BEST1: variants seen among roughly 807,000 people sequenced by gnomAD.
BEST1 encodes the protein bestrophin 1.
Under a neutral mutation model 63.3 loss-of-function variants are expected in BEST1, and 58 were observed. The ratio of observed to expected loss-of-function variants is 0.92; its 90% CI spans 0.74 to 1.14. The LOEUF is 1.14. BEST1 is among the 50% of genes most tolerant of loss of function. BEST1 has a pLI of 0.00. For synonymous variants in BEST1, 283 were observed against 291.6 expected (o/e 0.97, Z 0.30); for missense variants, 671 against 740.1 (o/e 0.91, Z 1.08).
intron 10 of BEST1, chr11:61,963,867 T>A: frequency 2.9e-5 from 39 of 1,330,290 alleles, no homozygotes; most frequent in Non-Finnish European, 3.7e-5. Context: ...CAGCTGGGCG[T>A]CGTGGTGTGC....
chr11:61,956,257 C>T (rs1444229288), intron 4 of BEST1, among the ~76,000 whole-genome samples: 1 of 152,006 alleles, frequency 6.6e-6, no homozygotes, highest in Non-Finnish European at 1.5e-5. Context: ...GGTCTACTTC[C>T]CTCTGCCCTT....
chr11:61,957,063 G>A, intron 5 of BEST1, 65 bp downstream of exon 5: 20 of 1,609,586 alleles, frequency 1.2e-5, no homozygotes, highest in Non-Finnish European at 1.7e-5. Flanking sequence ...AGGAAACAAG[G>A]TTTCCTACAA....
chr11:61,952,562 G>C (rs1940820729), intron 2 of BEST1, among the ~76,000 whole-genome samples: 1 of 149,684 alleles, frequency 6.7e-6, no homozygotes, highest in Admixed American at 6.7e-5. Context: ...TGCCTCCCAG[G>C]TGCAAGCGAT....
At chr11:61,954,637 A>AT (rs1941075400) in intron 2 of BEST1, among the ~76,000 whole-genome samples, 1 of 151,944 alleles carries the variant, frequency 6.6e-6, no homozygotes, top group African/African-American at 2.4e-5. Flanking sequence ...CACCCAACTA[A>AT]TTTTTTGTAG....
intron 4 of BEST1, 50 bp downstream of exon 4, chr11:61,956,001 AGATGGGCGCGGCAGGAATGGAAGAT>A: frequency 6.6e-7 from 1 of 1,505,756 alleles, no homozygotes; most frequent in Non-Finnish European, 9.0e-7. Context: ...CCAGGGGCCG[AGATGGGCGCGGCAGGAATGGAAGAT>A]GGGTGGAGCC....
chr11:61,964,213 C>G lies in BEST1; in HGVS notation c.*91C>G, dbSNP rs556116201. 27 of 1,601,586 alleles carry G rather than the reference C, an allele frequency of 1.7e-5. No individual in the cohort carries two copies. The African/African-American group carries it at 3.1e-4, about 18-fold the overall frequency. On this transcript the variant is annotated 3_prime_UTR_variant, in exon 11 of 11. Transcript: ENST00000378043. Reference sequence around the variant, plus strand: ...GATCCAGTCACAGCCATACAGCTGTCCACACTGAAGAACATGTCCTACAAC... The same window carrying G: ...GATCCAGTCACAGCCATACAGCTGTGCACACTGAAGAACATGTCCTACAAC...
At chr11:61,955,686 C>A in intron 3 of BEST1, 32 bp from the exon 4 acceptor site, 1 of 1,530,048 alleles carries the variant, frequency 6.5e-7, no homozygotes, top group South Asian at 1.2e-5. Context: ...AGCCTGGCCC[C>A]TCGCCCCTCG....
At chr11:61,962,130 T>C in intron 9 of BEST1, 125 bp from the exon 10 acceptor site, 1 of 962,878 alleles carries the variant, frequency 1.0e-6, no homozygotes. Context: ...TGGGGCATGG[T>C]GAGGAAGACG....
intron 9 of BEST1, chr11:61,961,674 G>A (rs1282090010): frequency 1.2e-5 from 2 of 161,112 alleles, no homozygotes; most frequent in Admixed American, 1.2e-4. Flanking sequence ...TTGTCTGCCT[G>A]GGAGGCGGCT....
chr11:61,952,793 T>A (rs994778830), intron 2 of BEST1, among the ~76,000 whole-genome samples: 1 of 152,164 alleles, frequency 6.6e-6, no homozygotes, highest in Non-Finnish European at 1.5e-5. Flanking sequence ...GTACATTTTT[T>A]AAAATTATTT....
chr11:61,964,859 A>G (rs1591320517), downstream of BEST1: 1 of 1,603,812 alleles, frequency 6.2e-7, no homozygotes, highest in African/African-American at 1.3e-5. Context: ...TCACCTGCTC[A>G]TTCAGGTAAT....
At chr11:61,949,969 G>A (rs1940493516), upstream of BEST1, 1 of 152,430 alleles carries the variant, frequency 6.6e-6, no homozygotes, top group Admixed American at 6.5e-5. Context: ...AAGACCCCAG[G>A]GCCTAGTCAG....
At chr11:61,952,303 AAGAG>A (rs35510371) in intron 2 of BEST1, among the ~76,000 whole-genome samples, 248 of 146,886 alleles carry the variant, frequency 1.7e-3, no homozygotes, top group Middle Eastern at 3.5e-3. Flanking sequence ...TACATTAAAA[AAGAG>A]AGAGAGAGAG....
Position 61,959,956 on chromosome 11 carries a change from G to A in BEST1, c.1013G>A (p.Trp338Ter). ...DLPRMEPDMY[W>*]NKPEPQPPYT... ...CCTCGGATGGAGCCGGACATGTACT[G>A]GAATAAGCCCGAGCCACAGCCCCCC... Residue 338 changes from tryptophan (W) to a stop codon, truncating the protein, a stop_gained, in exon 9 of 11, where the codon TGG becomes TAG. Transcript: ENST00000378043. LOFTEE classifies it high-confidence loss of function. 2 of 1,612,840 alleles carry A rather than the reference G, an allele frequency of 1.2e-6. No individual in the cohort carries two copies. The highest frequency in any genetic ancestry group is 2.2e-5 in the South Asian group (2 of 90,728).
rs1941622279 is a variant in BEST1 at position 61,958,305 on chromosome 11, C to T, written c.867+7C>T. The T allele has an allele frequency of 1.2e-6, 2 of 1,614,134 alleles. No homozygotes were observed. On this transcript the variant is annotated splice_region_variant and intron_variant, in intron 7 of 10. Transcript: ENST00000378043. ...CTATGTTGGCTGGCTGAAGGTGGGC[C>T]TCTCCAGGGCCCTGCTGGGCTGGAG... is the stretch of plus-strand genomic sequence containing the variant.
intron 10 of BEST1, chr11:61,963,184 C>T: frequency 7.0e-7 from 1 of 1,437,684 alleles, no homozygotes; most frequent in Non-Finnish European, 9.1e-7. Flanking sequence ...GGAGAACTGC[C>T]CCAGGGCTGA....
chr11:61,953,886 AAAACAAAC>A (rs112657532), intron 2 of BEST1, among the ~76,000 whole-genome samples: 208 of 150,730 alleles, frequency 1.4e-3, no homozygotes, highest in East Asian at 0.011. Context: ...ACCCTATCTC[AAAACAAAC>A]AAACAAACAA....
downstream of BEST1, chr11:61,964,469 G>T (rs1041957978): frequency 9.8e-6 from 6 of 613,256 alleles, no homozygotes; most frequent in Admixed American, 3.0e-5. Flanking sequence ...GTTTCTTTTT[G>T]ATTAGTGTGA....
At chr11:61,962,092 C>T (rs1336659536) in intron 9 of BEST1, 163 bp from the exon 10 acceptor site, 2 of 708,636 alleles carry the variant, frequency 2.8e-6, no homozygotes, top group South Asian at 3.4e-5. Flanking sequence ...CCGGGAGGTA[C>T]AGGACAGATC....
Sources: allele counts gnomAD v4.1 joint callset (sites outside exome capture counted in the v4.1 genomes callset), GRCh38; gene constraint gnomAD v4.1.1; transcripts MANE v1.5; gene names NCBI Gene and HGNC (gene_info 2026-07-23, HGNC 2026-07-21).